The following GALNTL6 variants were observed in gnomAD, a reference collection of about 807,000 sequenced individuals.
GALNTL6 encodes polypeptide N-acetylgalactosaminyltransferase like 6, also known as polypeptide N-acetylgalactosaminyltransferase-like 6.
A neutral mutation model predicts 73.7 loss-of-function variants in GALNTL6; 46 were observed. The observed-to-expected ratio is 0.62, with a 90% CI of 0.49 to 0.80. The LOEUF (loss-of-function observed/expected upper bound fraction) is 0.80. Ranked by LOEUF, GALNTL6 falls within the 30% of genes least tolerant of loss-of-function variation. The pLI, the probability that GALNTL6 is intolerant of heterozygous loss-of-function variation, is 0.00. For missense variants in GALNTL6, 604 were observed against 755.0 expected, an observed-to-expected ratio of 0.80 and a Z score of 2.34; for synonymous variants, 259 against 263.7, an observed-to-expected ratio of 0.98 and a Z score of 0.17.
At chr4:172,048,963 T>C (rs931061512) in intron 2 of GALNTL6, among the ~76,000 whole-genome samples, 1 of 152,140 alleles carries the variant, frequency 6.6e-6, no homozygotes, top group African/African-American at 2.4e-5. Context: ...TAGTTTATAA[T>C]AGGAAGCTTG....
At chr4:172,006,316 T>C (rs1009808470) in intron 2 of GALNTL6, among the ~76,000 whole-genome samples, 2 of 152,182 alleles carry the variant, frequency 1.3e-5, no homozygotes, top group Admixed American at 6.5e-5. Context: ...CTTTGAGCTT[T>C]AGTGACTTCC....
At chr4:172,738,123 G>A (rs1560916974) in intron 5 of GALNTL6, among the ~76,000 whole-genome samples, 1 of 152,186 alleles carries the variant, frequency 6.6e-6, no homozygotes, top group East Asian at 1.9e-4. Flanking sequence ...GTTAAGGCAA[G>A]GACAGTTCTC....
chr4:172,567,018 A>G (rs148234590), intron 5 of GALNTL6, among the ~76,000 whole-genome samples: 1 of 151,424 alleles, frequency 6.6e-6, no homozygotes, highest in South Asian at 2.1e-4. Flanking sequence ...GACACTGTGA[A>G]GCTCCTTTAA....
chr4:172,372,222 G>A (rs558776939), intron 5 of GALNTL6, among the ~76,000 whole-genome samples: 2 of 152,284 alleles, frequency 1.3e-5, no homozygotes, highest in East Asian at 3.9e-4. Flanking sequence ...CATCTCAGGG[G>A]GCATAAGTCT....
Position 172,578,282 on chromosome 4 carries a change from CT to C in GALNTL6, c.553+229597del, listed in dbSNP as rs1437391045. ...TTATCAGCTCTTTCAATAATTGAGTCTTTTCACCACACTGTATTTCAAATCT... is the reference window on the plus strand; with the variant it reads ...TTATCAGCTCTTTCAATAATTGAGTCTTTCACCACACTGTATTTCAAATCT... On this transcript the variant is annotated intron_variant, in intron 5 of 12. Transcript: ENST00000506823. 3.9e-5 allele frequency among the ~76,000 whole-genome samples: 6 copies of C among 152,284 alleles called. No homozygotes were observed. In the East Asian group the frequency reaches 1.2e-3, roughly 29 times the overall value.
intron 4 of GALNTL6, among the ~76,000 whole-genome samples, chr4:172,312,125 C>A (rs191364490): frequency 6.6e-6 from 1 of 152,272 alleles, no homozygotes; most frequent in Admixed American, 6.5e-5. Flanking sequence ...CTATGAACTT[C>A]ATTCTCACCC....
chr4:172,335,781 C>A (rs1459471283), intron 4 of GALNTL6, among the ~76,000 whole-genome samples: 1 of 152,074 alleles, frequency 6.6e-6, no homozygotes, highest in Non-Finnish European at 1.5e-5. Context: ...TCTGTTAGAT[C>A]AGTTGTAGGG....
rs1036636212 is a variant in GALNTL6, at chr4:172,624,315, C to T, written c.554-185046C>T. 2.0e-5 allele frequency among the ~76,000 whole-genome samples: 3 copies of T among 151,662 alleles called. No individual in the cohort carries two copies. The East Asian group carries it at 5.8e-4, about 29-fold the overall frequency. On this transcript the variant is annotated intron_variant, in intron 5 of 12. Transcript: ENST00000506823. ...TGTTTTAAAGCTGCTTTATTTTTCT[C>T]TAGGATCTCATAATTTCTTATTTCC...
intron 2 of GALNTL6, among the ~76,000 whole-genome samples, chr4:172,172,715 A>G (rs549449502): frequency 6.6e-6 from 1 of 152,298 alleles, no homozygotes; most frequent in South Asian, 2.1e-4. Flanking sequence ...GCAAACTAAC[A>G]CATCTTGGAG....
At chr4:172,132,605 AAT>A (rs1172780436) in intron 2 of GALNTL6, among the ~76,000 whole-genome samples, 1 of 152,106 alleles carries the variant, frequency 6.6e-6, no homozygotes, top group Non-Finnish European at 1.5e-5. Context: ...CCATTACTTA[AAT>A]ATATGTTATT....
intron 7 of GALNTL6, among the ~76,000 whole-genome samples, chr4:172,867,029 T>C (rs1311342813): frequency 6.6e-6 from 1 of 152,182 alleles, no homozygotes; most frequent in Non-Finnish European, 1.5e-5. Flanking sequence ...TGGAAATATG[T>C]AGAAGCGGTC....
Position 171,814,723 on chromosome 4 carries a change from G to A in GALNTL6, c.138+5G>A. ...GCGGAGCCCGGGGAGCAGCAGGTAA[G>A]TGCCACCCAGAGAAAGATCACACAA... On this transcript the variant is annotated splice_donor_5th_base_variant and intron_variant, in intron 2 of 12. Coordinates refer to ENST00000506823, the MANE Select transcript of GALNTL6 (RefSeq NM_001034845.3). The A allele has an allele frequency of 6.2e-7, 1 of 1,613,600 alleles. No homozygotes were observed. The highest frequency in any genetic ancestry group is 8.5e-7 in the Non-Finnish European group (1 of 1,179,994).
intron 10 of GALNTL6, among the ~76,000 whole-genome samples, chr4:172,981,796 CTTTTTTTTT>C (rs56273122): frequency 9.8e-6 from 1 of 101,808 alleles, no homozygotes; most frequent in Non-Finnish European, 1.9e-5. Flanking sequence ...GTATGAACGT[CTTTTTTTTT>C]TTTTTTTTTT....
intron 5 of GALNTL6, among the ~76,000 whole-genome samples, chr4:172,649,520 T>C (rs1054891921): frequency 3.9e-5 from 6 of 152,212 alleles, no homozygotes; most frequent in Non-Finnish European, 7.4e-5. Flanking sequence ...ATGTGCTCTC[T>C]TCTGTGTTAG....
At chr4:172,818,142 G>A (rs548823239) in intron 7 of GALNTL6, among the ~76,000 whole-genome samples, 5 of 152,232 alleles carry the variant, frequency 3.3e-5, no homozygotes, top group South Asian at 2.1e-4. Flanking sequence ...TGCTGCCAAC[G>A]TTTCTCCAAC....
At chr4:173,006,871 G>A (rs1752322290) in intron 10 of GALNTL6, among the ~76,000 whole-genome samples, 1 of 152,144 alleles carries the variant, frequency 6.6e-6, no homozygotes, top group South Asian at 2.1e-4. Context: ...ACTTTCCTTG[G>A]ATTCTCAGAG....
chr4:172,294,500 G>C (rs1004369922), intron 3 of GALNTL6, among the ~76,000 whole-genome samples: 2 of 152,146 alleles, frequency 1.3e-5, no homozygotes, highest in Non-Finnish European at 2.9e-5. Context: ...GGTGGGGGCA[G>C]GGGTATCACT....
At chr4:172,558,948 G>A (rs1011330831) in intron 5 of GALNTL6, among the ~76,000 whole-genome samples, 5 of 149,572 alleles carry the variant, frequency 3.3e-5, no homozygotes, top group African/African-American at 1.2e-4. Flanking sequence ...TTTATTCAGT[G>A]CTTTTTGTCA....
At chr4:172,432,119 C>T (rs1439060986) in intron 5 of GALNTL6, among the ~76,000 whole-genome samples, 2 of 152,156 alleles carry the variant, frequency 1.3e-5, no homozygotes, top group East Asian at 3.9e-4. Context: ...ACCTCTATCA[C>T]ATATCATAAT....
Sources: gnomAD v4.1 joint callset for allele counts (sites outside exome capture counted in the v4.1 genomes callset) on GRCh38, gnomAD v4.1.1 for gene constraint, MANE v1.5 for transcripts, NCBI Gene and HGNC (gene_info 2026-07-23, HGNC 2026-07-21) for gene names.